Variants in TFPI observed in about 807,000 individuals in gnomAD.
The protein encoded by TFPI is tissue factor pathway inhibitor.
In TFPI, 15 loss-of-function variants were observed where a neutral mutation model predicts 34.6. That is an observed-to-expected ratio of 0.43 (90% CI 0.29 to 0.67). The LOEUF is 0.67. Among genes scored for constraint, TFPI ranks in the 30% least tolerant of loss-of-function variants. TFPI has a pLI of 0.15. For synonymous variants in TFPI, 105 were observed against 120.1 expected, an observed-to-expected ratio of 0.87 and a Z score of 0.82; for missense variants, 301 against 364.0, an observed-to-expected ratio of 0.83 and a Z score of 1.41.
At chr2:187,535,171 C>T (rs1318754390) in intron 1 of TFPI, among the ~76,000 whole-genome samples, 1 of 152,150 alleles carries the variant, frequency 6.6e-6, no homozygotes, top group Non-Finnish European at 1.5e-5. Context: ...CAATATTACA[C>T]AGATCAATGA....
intron 1 of TFPI, among the ~76,000 whole-genome samples, chr2:187,544,303 G>C (rs985025139): frequency 3.9e-5 from 6 of 152,002 alleles, no homozygotes; most frequent in Admixed American, 1.3e-4. Flanking sequence ...TTTACCATAA[G>C]AGTGAAATTT....
chr2:187,470,632 A>C (rs1050263800), intron 6 of TFPI, among the ~76,000 whole-genome samples: 1 of 152,160 alleles, frequency 6.6e-6, no homozygotes, highest in Non-Finnish European at 1.5e-5. Context: ...TCATCCAACA[A>C]GGCCTGCCAT....
intron 1 of TFPI, among the ~76,000 whole-genome samples, chr2:187,533,727 G>C (rs1319375007): frequency 6.6e-6 from 1 of 152,220 alleles, no homozygotes; most frequent in African/African-American, 2.4e-5. Context: ...TTGATGAATT[G>C]ACAGAAGTGG....
intron 6 of TFPI, among the ~76,000 whole-genome samples, chr2:187,477,602 T>A (rs752903389): frequency 1.3e-4 from 20 of 152,140 alleles, no homozygotes; most frequent in Non-Finnish European, 2.4e-4. Flanking sequence ...TTCCTCTACA[T>A]GCAATCACAC....
chr2:187,482,636 T>C (rs1692957244), intron 6 of TFPI, among the ~76,000 whole-genome samples: 1 of 152,022 alleles, frequency 6.6e-6, no homozygotes, highest in Non-Finnish European at 1.5e-5. Flanking sequence ...GCACACTTAT[T>C]GAATGCCTAC....
At chr2:187,523,581 A>AT (rs1203265957) in intron 1 of TFPI, among the ~76,000 whole-genome samples, 6 of 152,030 alleles carry the variant, frequency 3.9e-5, no homozygotes, top group Non-Finnish European at 7.4e-5. Flanking sequence ...CTTTTAATTT[A>AT]TTTTTTTTAA....
chr2:187,495,066 G>A (rs779612209), intron 3 of TFPI, among the ~76,000 whole-genome samples: 1 of 152,134 alleles, frequency 6.6e-6, no homozygotes, highest in Non-Finnish European at 1.5e-5. Context: ...GGGTAAGAGA[G>A]TTACATTTAC....
Position 187,467,771 on chromosome 2 carries a change from G to A in TFPI, c.790C>T (p.Leu264=), listed in dbSNP as rs1691797862. 3 of 1,609,352 alleles carry A rather than the reference G, an allele frequency of 1.9e-6. No homozygotes were observed. Among genetic ancestry groups the A allele is most frequent in the Admixed American group, 1.7e-5 (1 of 59,242 alleles). The change falls in exon 7 of 8, where the codon CTG becomes TTG. Residue 264 remains leucine, a synonymous_variant. Coordinates refer to ENST00000233156, the MANE Select transcript of TFPI (RefSeq NM_006287.6). The part of the protein sequence containing the change: ...ENNFTSKQEC[L]RACKKGFIQR... ...TCTATACCTTTTTTACATGCCCTCA[G>A]ACATTCTTGTTTGGAAGTAAAATTG... is the stretch of plus-strand genomic sequence containing the variant.
At chr2:187,470,487 G>A (rs1691970243) in intron 6 of TFPI, among the ~76,000 whole-genome samples, 2 of 152,184 alleles carry the variant, frequency 1.3e-5, no homozygotes, top group South Asian at 2.1e-4. Context: ...AGGAGCCTCT[G>A]TTATCATAGA....
At chr2:187,542,662 G>A (rs1190773127) in intron 1 of TFPI, among the ~76,000 whole-genome samples, 1 of 152,124 alleles carries the variant, frequency 6.6e-6, no homozygotes, top group East Asian at 1.9e-4. Flanking sequence ...GAAGTCAGGA[G>A]TTTGAGACAA....
At chr2:187,546,005 G>A (rs1688839308) in intron 1 of TFPI, among the ~76,000 whole-genome samples, 1 of 151,978 alleles carries the variant, frequency 6.6e-6, no homozygotes, top group Non-Finnish European at 1.5e-5. Flanking sequence ...AGAAAATTAA[G>A]AACAGGGCAA....
chr2:187,544,415 A>C (rs1409280832), intron 1 of TFPI: 1 of 152,240 alleles, frequency 6.6e-6, no homozygotes, highest in African/African-American at 2.4e-5. Flanking sequence ...ATGGGAAACA[A>C]TGAAGCAAAA....
chr2:187,532,118 G>C (rs1013464461), intron 1 of TFPI, among the ~76,000 whole-genome samples: 1 of 152,150 alleles, frequency 6.6e-6, no homozygotes, highest in African/African-American at 2.4e-5. Context: ...TGCCTATTCA[G>C]AAGCAACCTC....
At chr2:187,497,632 T>G (rs546573161) in intron 2 of TFPI, among the ~76,000 whole-genome samples, 1 of 152,150 alleles carries the variant, frequency 6.6e-6, no homozygotes, top group Non-Finnish European at 1.5e-5. Context: ...TGGGTTTTAA[T>G]AATGTTGAAA....
At chr2:187,502,293 C>A (rs1174780855) in intron 2 of TFPI, among the ~76,000 whole-genome samples, 1 of 152,098 alleles carries the variant, frequency 6.6e-6, no homozygotes, top group African/African-American at 2.4e-5. Context: ...CCTGGTTAAC[C>A]AATATTCATT....
Position 187,488,380 on chromosome 2 carries a change from A to T in TFPI, c.320-5T>A. 6.5e-7 allele frequency: 1 copy of T among 1,534,222 alleles called. No homozygotes were observed. Among genetic ancestry groups the T allele is most frequent in the Non-Finnish European group, 8.8e-7 (1 of 1,141,254 alleles). On this transcript the variant is annotated splice_region_variant and splice_polypyrimidine_tract_variant and intron_variant, in intron 3 of 7. Transcript: ENST00000233156. ...TTATAATCCTGTTTGCATTATCTGT[A>T]ATCAAAAGAATATATGCATATCAAT...
chr2:187,469,542 T>C (rs1434091293), intron 6 of TFPI, among the ~76,000 whole-genome samples: 1 of 152,092 alleles, frequency 6.6e-6, no homozygotes, highest in Admixed American at 6.6e-5. Flanking sequence ...GATAGTAAAA[T>C]AGTTGCTGTA....
intron 1 of TFPI, among the ~76,000 whole-genome samples, chr2:187,504,990 G>C (rs1046873644): frequency 2.6e-5 from 4 of 151,840 alleles, no homozygotes; most frequent in African/African-American, 7.3e-5. Context: ...TTGATTTTTA[G>C]TCAGTAGAGA....
chr2:187,495,328 A>G (rs1685400716), intron 3 of TFPI, among the ~76,000 whole-genome samples: 1 of 152,188 alleles, frequency 6.6e-6, no homozygotes, highest in African/African-American at 2.4e-5. Flanking sequence ...CTTCTAGCCA[A>G]GGTACTGACA....
Sources: gnomAD v4.1 joint callset for allele counts (sites outside exome capture counted in the v4.1 genomes callset) on GRCh38, gnomAD v4.1.1 for gene constraint, MANE v1.5 for transcripts, NCBI Gene and HGNC (gene_info 2026-07-23, HGNC 2026-07-21) for gene names.